The following SNRNP200 variants were observed in gnomAD, a reference collection of about 807,000 sequenced individuals.
SNRNP200 encodes U5 small nuclear ribonucleoprotein 200 kDa helicase.
SNRNP200 carries 66 observed loss-of-function variants against 255.2 expected under a neutral mutation model. That is an observed-to-expected ratio of 0.26 (90% CI 0.21 to 0.32). SNRNP200 has a LOEUF of 0.32. Ranked by LOEUF, SNRNP200 falls within the 10% of genes least tolerant of loss-of-function variation. The pLI, the probability that SNRNP200 is intolerant of heterozygous loss-of-function variation, is 1.00. For synonymous variants in SNRNP200, 939 were observed against 1,027.8 expected, an observed-to-expected ratio of 0.91 and a Z score of 1.65; for missense variants, 1,585 against 2,749.8, an observed-to-expected ratio of 0.58 and a Z score of 9.47.
intron 3 of SNRNP200, 28 bp downstream of exon 3, chr2:96,303,131 A>G (rs748373960): frequency 1.9e-6 from 3 of 1,607,026 alleles, no homozygotes; most frequent in South Asian, 2.2e-5. Flanking sequence ...ATAAAGACCT[A>G]ATATATATTT....
rs201691299 is a variant in SNRNP200, at chr2:96,277,190, C to T, written c.5983G>A (p.Ala1995Thr). ...TGGCTGTCAGTCAGCTGAAGCAACGCGTTCCGTTCTTCATCCTCCATCTCC... is the reference window on the plus strand; with the variant it reads ...TGGCTGTCAGTCAGCTGAAGCAACGTGTTCCGTTCTTCATCCTCCATCTCC... ...IMEMEDEERNALLQLTDSQIA... is the reference protein window; with the variant it reads ...IMEMEDEERNTLLQLTDSQIA... The change falls in exon 42 of 45, where the codon GCG (alanine) becomes ACG (threonine). Residue 1995 changes from alanine (A) to threonine (T), a missense_variant. This residue lies in a region of SNRNP200 where 279 missense variants were observed against 551.2 expected (regional missense o/e 0.51). Coordinates refer to ENST00000323853, the MANE Select transcript of SNRNP200 (RefSeq NM_014014.5). This position sits in a 1 kb window ranked among gnomAD's most constrained non-coding sequence, Gnocchi z 4.4. 1,932 of 1,614,162 alleles carry T rather than the reference C, an allele frequency of 1.2e-3. 38 individuals are homozygous for T. The South Asian group carries it at 0.02, about 17-fold the overall frequency.
chr2:96,304,985 G>A (rs1307553445), intron 1 of SNRNP200, 117 bp from the exon 2 acceptor site: 2 of 1,142,254 alleles, frequency 1.8e-6, no homozygotes, highest in Non-Finnish European at 2.6e-6. Context: ...ATCACTAATC[G>A]TAATAAAAAT....
intron 35 of SNRNP200, among the ~76,000 whole-genome samples, chr2:96,280,901 G>A (rs972960783): frequency 1.5e-5 from 2 of 135,990 alleles, no homozygotes; most frequent in Non-Finnish European, 3.1e-5. Context: ...TGCCCAGACT[G>A]GAGTGCAATG....
chr2:96,286,508 A>G lies in SNRNP200; in HGVS notation c.3830-24T>C. The stretch of plus-strand genomic sequence containing the variant: ...AGCTGCCAGAAAAGAAACAGGAAGG[A>G]TATAAGCACTGCTCTCTTTCCCTCA... On this transcript the variant is annotated intron_variant, in intron 28 of 44. Coordinates refer to ENST00000323853, the MANE Select transcript of SNRNP200 (RefSeq NM_014014.5). This position sits in a 1 kb window ranked among gnomAD's most constrained non-coding sequence, Gnocchi z 4.8. The G allele has an allele frequency of 6.2e-7, 1 of 1,613,426 alleles. No individual in the cohort carries two copies. The highest frequency in any genetic ancestry group is 8.5e-7 in the Non-Finnish European group (1 of 1,179,852).
At chr2:96,304,667 G>T (rs757461904) in intron 2 of SNRNP200, 38 bp downstream of exon 2, 2 of 1,612,976 alleles carry the variant, frequency 1.2e-6, no homozygotes, top group South Asian at 1.1e-5. Flanking sequence ...AAGAGACTTT[G>T]GATCTGAAGG....
Position 96,291,320 on chromosome 2 carries a change from G to A in SNRNP200, c.2421+72C>T. 1.1e-6 allele frequency: 1 copy of A among 903,558 alleles called. No individual in the cohort carries two copies. Among genetic ancestry groups the A allele is most frequent in the South Asian group, 1.3e-5 (1 of 77,118 alleles). 56.0% of individuals were successfully genotyped at this position (903,558 alleles called of 1,614,324 possible). A position where few individuals can be genotyped will look rare whatever the true frequency, so the allele number is the denominator to read the frequency against. On this transcript the variant is annotated intron_variant, in intron 18 of 44. Coordinates refer to ENST00000323853, the MANE Select transcript of SNRNP200 (RefSeq NM_014014.5). This position sits in a 1 kb window ranked among gnomAD's most constrained non-coding sequence, Gnocchi z 4.2. The stretch of plus-strand genomic sequence containing the variant: ...CAATAAAGTACCAGGAGCAAACATG[G>A]CACAAACTTGACATTGCCCATCTTC...
chr2:96,292,895 T>A, intron 16 of SNRNP200, 77 bp downstream of exon 16: 1 of 1,534,816 alleles, frequency 6.5e-7, no homozygotes. Flanking sequence ...TTAATTTCTG[T>A]CAATCTTCCC....
intron 36 of SNRNP200, 171 bp downstream of exon 36, chr2:96,279,280 C>A: frequency 1.5e-6 from 1 of 683,610 alleles, no homozygotes; most frequent in South Asian, 1.7e-5. Context: ...GCAGCAAAAG[C>A]AAAAGGCAGC....
At chr2:96,282,342 A>G in intron 34 of SNRNP200, 1 of 224,118 alleles carries the variant, frequency 4.5e-6, no homozygotes, top group East Asian at 1.0e-4. Flanking sequence ...TTCTGGCAGA[A>G]GAATCTCCAA....
intron 24 of SNRNP200, 70 bp from the exon 25 acceptor site, chr2:96,288,039 A>G (rs1483513496): frequency 2.2e-6 from 3 of 1,380,468 alleles, no homozygotes; most frequent in Non-Finnish European, 3.1e-6. Flanking sequence ...CACTCTACAC[A>G]CGGTTTCATT....
chr2:96,300,961 C>CA, intron 5 of SNRNP200, 37 bp downstream of exon 5: 1 of 1,592,716 alleles, frequency 6.3e-7, no homozygotes, highest in South Asian at 1.1e-5. Flanking sequence ...TAATCAACGT[C>CA]AAAAACAAGA....
intron 24 of SNRNP200, among the ~76,000 whole-genome samples, chr2:96,288,184 C>T (rs74902679): frequency 0.018 from 2,804 of 152,340 alleles, 46 homozygotes; most frequent in South Asian, 0.029. Context: ...CTCAAGGTCA[C>T]TGCACAACAT....
At position 96,279,433 on chromosome 2, in the gene SNRNP200, C is replaced by T; in HGVS notation, c.5133+18G>A. 1 of 1,520,866 alleles carries T rather than the reference C, an allele frequency of 6.6e-7. No individual in the cohort carries two copies. 94.2% of individuals were successfully genotyped at this position (1,520,866 alleles called of 1,614,324 possible). On this transcript the variant is annotated intron_variant, in intron 36 of 44. Transcript: ENST00000323853. ...CTGAGGCTACGGATCCAAGAGGCTC[C>T]ATGAGTCTAGGACTGACCTTCTTGG...
chr2:96,281,954 G>A, intron 34 of SNRNP200, 32 bp from the exon 35 acceptor site: 1 of 1,557,610 alleles, frequency 6.4e-7, no homozygotes, highest in Non-Finnish European at 8.9e-7. Flanking sequence ...AAGGCTGAGG[G>A]CAGGGGTCTC....
chr2:96,304,494 T>C (rs1199461927), intron 2 of SNRNP200, among the ~76,000 whole-genome samples: 5 of 152,180 alleles, frequency 3.3e-5, no homozygotes, highest in African/African-American at 1.2e-4. Flanking sequence ...AACACACATG[T>C]AAGAAAAAGG....
rs1025502358 is a variant in SNRNP200, at chr2:96,304,109, A to G, written c.209+596T>C. 3.3e-5 allele frequency among the ~76,000 whole-genome samples: 5 copies of G among 152,158 alleles called. 1 individual carries two copies. The South Asian group carries it at 8.3e-4, about 25-fold the overall frequency. ...GATAATGTATTAACTCATTTCAAACATAACTACTTTAATCAAACTAAGCCT... is the reference window on the plus strand; with the variant it reads ...GATAATGTATTAACTCATTTCAAACGTAACTACTTTAATCAAACTAAGCCT... On this transcript the variant is annotated intron_variant, in intron 2 of 44. Transcript: ENST00000323853.
At position 96,296,791 on chromosome 2, in the gene SNRNP200, C is replaced by G. The variant is rs1383310916; in HGVS notation, c.1516-100G>C. ...TCCCAAATAGAGAATAGAGCTTGTC[C>G]TGGGCACTTTATCCTACTATTTAAC... On this transcript the variant is annotated intron_variant, in intron 12 of 44. Transcript: ENST00000323853. 3.2e-6 allele frequency: 5 copies of G among 1,554,892 alleles called. No individual in the cohort carries two copies. The East Asian group carries it at 1.1e-4, about 35-fold the overall frequency.
rs760963798 is a variant in SNRNP200, at chr2:96,283,292, C to T, written c.4824G>A (p.Thr1608=). ...IPYLEKLSDS[T]LKETLLNGVG... ...CCCCATTTAGCAGCGTTTCCTTGAG[C>T]GTGCTGTCACTTAGCTTCTCCAGGT... is the stretch of plus-strand genomic sequence containing the variant. The change falls in exon 34 of 45, where the codon ACG becomes ACA. Residue 1608 remains threonine, a synonymous_variant. Transcript: ENST00000323853. This position sits in a 1 kb window ranked among gnomAD's most constrained non-coding sequence, Gnocchi z 4.7. 5 of 1,614,098 alleles carry T rather than the reference C, an allele frequency of 3.1e-6. No homozygotes were observed. Among genetic ancestry groups the T allele is most frequent in the South Asian group, 1.1e-5 (1 of 91,072 alleles).
At chr2:96,303,772 C>T (rs757903398) in intron 2 of SNRNP200, among the ~76,000 whole-genome samples, 1 of 151,998 alleles carries the variant, frequency 6.6e-6, no homozygotes, top group Non-Finnish European at 1.5e-5. Flanking sequence ...CGCCTGTAAT[C>T]CCAGCTACTC....
Sources: allele counts gnomAD v4.1 joint callset (sites outside exome capture counted in the v4.1 genomes callset), GRCh38; gene constraint gnomAD v4.1.1; regional missense constraint gnomAD v4.1.1; non-coding constraint Gnocchi (gnomAD v3.1); transcripts MANE v1.5; gene names NCBI Gene and HGNC (gene_info 2026-07-23, HGNC 2026-07-21).